NRXN3: variants seen among roughly 807,000 people sequenced by gnomAD.
NRXN3 encodes neurexin 3.
NRXN3 carries 32 observed loss-of-function variants against 137.6 expected under a neutral mutation model. The observed-to-expected ratio is 0.23, with a 90% CI of 0.18 to 0.31. NRXN3 has a LOEUF of 0.31. NRXN3 is among the 10% of genes least tolerant of loss of function. The probability of loss-of-function intolerance (pLI) is 1.00; values close to 1 mark genes in which losing one functional copy is unlikely to be tolerated. For synonymous variants in NRXN3, 798 were observed against 784.5 expected (o/e 1.02, Z -0.29); for missense variants, 1,574 against 2,062.5 (o/e 0.76, Z 4.59).
At chr14:78,318,670 T>C (rs572428333) in intron 4 of NRXN3, among the ~76,000 whole-genome samples, 32 of 152,154 alleles carry the variant, frequency 2.1e-4, no homozygotes, top group Non-Finnish European at 3.7e-4. Flanking sequence ...TACCTTGACT[T>C]GTGGCCACAG....
At chr14:78,749,919 C>G (rs963189711) in intron 8 of NRXN3, among the ~76,000 whole-genome samples, 2 of 152,188 alleles carry the variant, frequency 1.3e-5, no homozygotes, top group Non-Finnish European at 2.9e-5. Context: ...AAGAAAATCC[C>G]CTGCAGATGT....
At chr14:79,415,710 C>T (rs1363183241) in intron 15 of NRXN3, among the ~76,000 whole-genome samples, 2 of 152,230 alleles carry the variant, frequency 1.3e-5, no homozygotes, top group East Asian at 1.9e-4. Flanking sequence ...ATTCATGTAA[C>T]AATCGCCATG....
At chr14:78,725,147 C>T (rs2098477378) in intron 8 of NRXN3, among the ~76,000 whole-genome samples, 1 of 152,218 alleles carries the variant, frequency 6.6e-6, no homozygotes, top group South Asian at 2.1e-4. Flanking sequence ...CTCTTTGTTT[C>T]TGCAGGGTAA....
chr14:78,285,066 C>T lies in NRXN3; in HGVS notation c.727+6404C>T, dbSNP rs544951635. Reference sequence around the variant, plus strand: ...CGCCCTTGGGCAAGTCATGTAACCTCTCTGGGCAATAGGCTTCTTTTCTTT... The same window carrying T: ...CGCCCTTGGGCAAGTCATGTAACCTTTCTGGGCAATAGGCTTCTTTTCTTT... On this transcript the variant is annotated intron_variant, in intron 3 of 20. Transcript: ENST00000335750. Among the ~76,000 whole-genome samples the T allele has an allele frequency of 2.2e-3, 330 of 152,310 alleles. 1 individual carries two copies. Among genetic ancestry groups the T allele is most frequent in the Non-Finnish European group, 3.7e-3 (250 of 68,038 alleles).
intron 15 of NRXN3, among the ~76,000 whole-genome samples, chr14:79,177,523 T>C (rs2062465740): frequency 6.6e-6 from 1 of 152,250 alleles, no homozygotes. Flanking sequence ...CACAAATTAA[T>C]TTTAATGAAT....
chr14:79,600,212 A>G (rs1022950560), intron 16 of NRXN3, among the ~76,000 whole-genome samples: 29 of 152,256 alleles, frequency 1.9e-4, no homozygotes, highest in African/African-American at 6.7e-4. Flanking sequence ...TGCTATGTCT[A>G]CTTATAGGAG....
chr14:78,322,413 A>T (rs2079496270), intron 4 of NRXN3, among the ~76,000 whole-genome samples: 1 of 151,944 alleles, frequency 6.6e-6, no homozygotes. Context: ...TGCGCTCTGG[A>T]GTCCAAGACC....
intron 4 of NRXN3, among the ~76,000 whole-genome samples, chr14:78,382,359 T>G (rs1054996478): frequency 1.3e-5 from 2 of 152,182 alleles, no homozygotes; most frequent in African/African-American, 4.8e-5. Context: ...CTGTGGGACA[T>G]GATGAAAGTA....
intron 4 of NRXN3, among the ~76,000 whole-genome samples, chr14:78,306,494 T>C (rs1199733569): frequency 6.6e-6 from 1 of 152,134 alleles, no homozygotes; most frequent in Non-Finnish European, 1.5e-5. Flanking sequence ...TTGTAAAGAA[T>C]TCGAAAGAGT....
chr14:79,672,604 G>A (rs1028591830), intron 17 of NRXN3, among the ~76,000 whole-genome samples: 2 of 151,952 alleles, frequency 1.3e-5, no homozygotes, highest in African/African-American at 4.8e-5. Flanking sequence ...TTCAAAGCTG[G>A]TTAGTGAATT....
intron 15 of NRXN3, among the ~76,000 whole-genome samples, chr14:79,091,242 T>C (rs1244196612): frequency 6.6e-6 from 1 of 152,134 alleles, no homozygotes; most frequent in Non-Finnish European, 1.5e-5. Flanking sequence ...TTGAAAAACT[T>C]TGACCATGGA....
Position 78,719,068 on chromosome 14 carries a change from G to A in NRXN3, c.2044+3929G>A, listed in dbSNP as rs1474607223. 2.4e-4 allele frequency among the ~76,000 whole-genome samples: 36 copies of A among 152,170 alleles called. 1 individual carries two copies. The highest frequency in any genetic ancestry group is 2.3e-3 in the Admixed American group (35 of 15,274). ...GTCTAGTTCAATTGGTGAGCATCAA[G>A]TTCCAGCAAGGCAAAGCCAAGGGTT... On this transcript the variant is annotated intron_variant, in intron 8 of 20. Coordinates refer to ENST00000335750, the MANE Select transcript of NRXN3 (RefSeq NM_001330195.2).
chr14:78,663,440 T>C (rs1340392623), intron 6 of NRXN3, among the ~76,000 whole-genome samples: 1 of 152,192 alleles, frequency 6.6e-6, no homozygotes, highest in African/African-American at 2.4e-5. Flanking sequence ...CAAATTGATA[T>C]TGCTCAACCT....
chr14:78,762,897 T>G (rs1464583523), intron 8 of NRXN3, among the ~76,000 whole-genome samples: 1 of 152,176 alleles, frequency 6.6e-6, no homozygotes, highest in African/African-American at 2.4e-5. Context: ...ACAAAAACAG[T>G]GCCATTTGAA....
At chr14:78,524,843 T>C (rs554484871) in intron 4 of NRXN3, among the ~76,000 whole-genome samples, 1 of 152,242 alleles carries the variant, frequency 6.6e-6, no homozygotes, top group South Asian at 2.1e-4. Flanking sequence ...TCAAATCACA[T>C]TAACCTGAGA....
At chr14:78,459,850 A>C (rs1467149347) in intron 4 of NRXN3, among the ~76,000 whole-genome samples, 1 of 152,190 alleles carries the variant, frequency 6.6e-6, no homozygotes. Flanking sequence ...GTGGCCTCTA[A>C]TTAAATCAGA....
chr14:78,979,753 G>A (rs991253995), intron 14 of NRXN3, among the ~76,000 whole-genome samples: 1 of 152,178 alleles, frequency 6.6e-6, no homozygotes. Context: ...AATCATGGCA[G>A]AAGGCAAACG....
chr14:79,795,954 G>C (rs1172516468), intron 19 of NRXN3, among the ~76,000 whole-genome samples: 1 of 152,062 alleles, frequency 6.6e-6, no homozygotes. Flanking sequence ...GAAAAAGGGA[G>C]GGAAAAAAGT....
chr14:78,523,245 G>A (rs2096312150), intron 4 of NRXN3, among the ~76,000 whole-genome samples: 1 of 152,104 alleles, frequency 6.6e-6, no homozygotes, highest in African/African-American at 2.4e-5. Flanking sequence ...AAAACCTAGG[G>A]GAATGTCTGA....
Sources: gnomAD v4.1 joint callset for allele counts (sites outside exome capture counted in the v4.1 genomes callset) on GRCh38, gnomAD v4.1.1 for gene constraint, MANE v1.5 for transcripts, NCBI Gene and HGNC (gene_info 2026-07-23, HGNC 2026-07-21) for gene names.